The following TBL1X variants were observed in gnomAD, a reference collection of about 807,000 sequenced individuals.
The protein encoded by TBL1X is F-box-like/WD repeat-containing protein TBL1X.
Under a neutral mutation model 50.7 loss-of-function variants are expected in TBL1X, and 10 were observed. The ratio of observed to expected loss-of-function variants is 0.20; its 90% CI spans 0.12 to 0.33. TBL1X has a LOEUF of 0.33. Among genes scored for constraint, TBL1X ranks in the 10% least tolerant of loss-of-function variants. The probability of loss-of-function intolerance (pLI) is 1.00; values close to 1 mark genes in which losing one functional copy is unlikely to be tolerated. For synonymous variants in TBL1X, 190 were observed against 214.7 expected, an observed-to-expected ratio of 0.88 and a Z score of 1.01; for missense variants, 340 against 504.4, an observed-to-expected ratio of 0.67 and a Z score of 3.12.
At chrX:9,615,660 T>C (rs2082635734) in intron 2 of TBL1X, among the ~76,000 whole-genome samples, 1 of 112,351 alleles carries the variant, frequency 8.9e-6, no homozygotes. Context: ...TTTCCACAGA[T>C]GGGACTATGA....
At chrX:9,495,899 A>T (rs1439270288) in intron 1 of TBL1X, among the ~76,000 whole-genome samples, 1 of 111,952 alleles carries the variant, frequency 8.9e-6, no homozygotes, top group African/African-American at 3.2e-5. Flanking sequence ...GAACATGTGC[A>T]TTTGGTGACA....
intron 5 of TBL1X, among the ~76,000 whole-genome samples, chrX:9,655,018 CCT>C (rs1474260848): frequency 9.0e-6 from 1 of 110,800 alleles, no homozygotes; most frequent in African/African-American, 3.3e-5. Context: ...CTTAAACAAA[CCT>C]CTCAGGTGCA....
At chrX:9,522,551 G>A (rs1228953255) in intron 2 of TBL1X, among the ~76,000 whole-genome samples, 2 of 111,605 alleles carry the variant, frequency 1.8e-5, no homozygotes, top group Non-Finnish European at 3.8e-5. Context: ...AACAGGGCCC[G>A]TGCTCACGTA....
intron 7 of TBL1X, among the ~76,000 whole-genome samples, chrX:9,689,028 G>GTGTGTGCGTGTGTGCC (rs2083080746): frequency 8.8e-6 from 1 of 113,225 alleles, no homozygotes; most frequent in African/African-American, 3.2e-5. Context: ...GCGTGTGTGC[G>GTGTGTGCGTGTGTGCC]TGTGTGCGTG....
intron 11 of TBL1X, among the ~76,000 whole-genome samples, chrX:9,696,176 G>A (rs771151284): frequency 8.9e-6 from 1 of 112,512 alleles, no homozygotes; most frequent in Non-Finnish European, 1.9e-5. Context: ...TATGTGAAAT[G>A]GTATCAGAAC....
At chrX:9,552,550 T>G (rs1447868743) in intron 2 of TBL1X, among the ~76,000 whole-genome samples, 1 of 111,434 alleles carries the variant, frequency 9.0e-6, no homozygotes, top group African/African-American at 3.3e-5. Flanking sequence ...ATAGACCTTG[T>G]GAGTACAGAG....
chrX:9,575,285 C>T (rs1057360047), intron 2 of TBL1X, among the ~76,000 whole-genome samples: 13 of 111,497 alleles, frequency 1.2e-4, no homozygotes, highest in Non-Finnish European at 2.5e-4. Context: ...CCTCCCCTGA[C>T]GTGTGGGGAT....
Position 9,685,021 on chromosome X carries a change from T to C in TBL1X, c.357+833T>C, listed in dbSNP as rs147645310. ...TTAATGAGGATCTCAAGGGATGCCT[T>C]CATTACCGGGCTCGTTGTAGAGCAG... On this transcript the variant is annotated intron_variant, in intron 6 of 17. Coordinates refer to ENST00000645353, the MANE Select transcript of TBL1X (RefSeq NM_005647.4). 8.5e-3 allele frequency among the ~76,000 whole-genome samples: 961 copies of C among 112,402 alleles called. 13 individuals carry two copies. The highest frequency in any genetic ancestry group is 0.029 in the African/African-American group (902 of 30,959).
chrX:9,660,160 T>C (rs190277751), intron 5 of TBL1X, among the ~76,000 whole-genome samples: 1 of 112,961 alleles, frequency 8.9e-6, no homozygotes, highest in African/African-American at 3.2e-5. Flanking sequence ...GAAAGCTCTC[T>C]GTGCATTTGC....
chrX:9,544,398 C>T (rs184846332), intron 2 of TBL1X, among the ~76,000 whole-genome samples: 9 of 111,255 alleles, frequency 8.1e-5, no homozygotes, highest in African/African-American at 2.3e-4. Flanking sequence ...TCACACTGCC[C>T]AGCATGTACG....
intron 2 of TBL1X, among the ~76,000 whole-genome samples, chrX:9,547,477 G>T (rs2082250604): frequency 9.0e-6 from 1 of 111,071 alleles, no homozygotes; most frequent in South Asian, 3.8e-4. Context: ...GTGCTACCAC[G>T]CCCAGCTAAT....
chrX:9,577,750 G>T, intron 2 of TBL1X, among the ~76,000 whole-genome samples: 1 of 112,362 alleles, frequency 8.9e-6, no homozygotes, highest in Non-Finnish European at 1.9e-5. Flanking sequence ...TAAGTGAAGA[G>T]ATAAGGCTTG....
chrX:9,647,705 A>G (rs184254557), intron 3 of TBL1X, among the ~76,000 whole-genome samples: 13 of 112,095 alleles, frequency 1.2e-4, no homozygotes, highest in African/African-American at 4.2e-4. Context: ...AGCTGTACAT[A>G]CTAGAAAAGA....
At chrX:9,565,271 C>CAA (rs757679440) in intron 2 of TBL1X, among the ~76,000 whole-genome samples, 18 of 37,342 alleles carry the variant, frequency 4.8e-4, no homozygotes, top group East Asian at 9.7e-4. Flanking sequence ...GACTCCGTCT[C>CAA]AAAAAAAAAA....
At chrX:9,528,035 C>T (rs2146970550) in intron 2 of TBL1X, among the ~76,000 whole-genome samples, 1 of 111,430 alleles carries the variant, frequency 9.0e-6, no homozygotes, top group East Asian at 2.8e-4. Context: ...TCCACCCACT[C>T]CTGCCTCCCA....
At chrX:9,580,258 G>A (rs1216223098) in intron 2 of TBL1X, among the ~76,000 whole-genome samples, 2 of 112,111 alleles carry the variant, frequency 1.8e-5, no homozygotes, top group Admixed American at 1.9e-4. Context: ...AACCTCAGGA[G>A]GTCCTGACGA....
At chrX:9,606,778 ACAGTTCC>A (rs2082585639) in intron 2 of TBL1X, among the ~76,000 whole-genome samples, 6 of 112,400 alleles carry the variant, frequency 5.3e-5, no homozygotes, top group Non-Finnish European at 1.1e-4. Flanking sequence ...TCAAATGCAA[ACAGTTCC>A]TGAGCCCCTA....
intron 2 of TBL1X, among the ~76,000 whole-genome samples, chrX:9,586,921 A>G (rs527750859): frequency 8.9e-6 from 1 of 111,937 alleles, no homozygotes; most frequent in African/African-American, 3.2e-5. Context: ...TAAATAAAAG[A>G]TGGAGAGGAG....
chrX:9,626,033 A>G lies in TBL1X; in HGVS notation c.-130-14240A>G, dbSNP rs146413984. Among the ~76,000 whole-genome samples, 35 of 112,038 alleles carry G rather than the reference A, an allele frequency of 3.1e-4. No homozygotes were observed. In the East Asian group the frequency reaches 7.0e-3, roughly 22 times the overall value. On this transcript the variant is annotated intron_variant, in intron 2 of 17. Transcript: ENST00000645353. ...GACCTGGGATCATTCCTGGATTCCA[A>G]TCTCCCTGGCAATGTAGTAAAAGGT...
Sources: allele counts gnomAD v4.1 joint callset (sites outside exome capture counted in the v4.1 genomes callset), GRCh38; gene constraint gnomAD v4.1.1; transcripts MANE v1.5; gene names NCBI Gene and HGNC (gene_info 2026-07-23, HGNC 2026-07-21).